ADGRL2: variants seen among roughly 807,000 people sequenced by gnomAD.
The protein encoded by ADGRL2 is calcium-independent alpha-latrotoxin receptor 2.
Under a neutral mutation model 157.4 loss-of-function variants are expected in ADGRL2, and 44 were observed. That is an observed-to-expected ratio of 0.28 (90% CI 0.22 to 0.36). The LOEUF (loss-of-function observed/expected upper bound fraction) is 0.36, where lower values mean the gene tolerates loss of function less well. Ranked by LOEUF, ADGRL2 falls within the 10% of genes least tolerant of loss-of-function variation. ADGRL2 has a pLI of 1.00. For synonymous variants in ADGRL2, 585 were observed against 624.7 expected (o/e 0.94, Z 0.95); for missense variants, 1,510 against 1,768.9 (o/e 0.85, Z 2.63).
intron 1 of ADGRL2, among the ~76,000 whole-genome samples, chr1:81,427,776 A>G (rs1292892904): frequency 6.6e-6 from 1 of 152,232 alleles, no homozygotes; most frequent in Non-Finnish European, 1.5e-5. Flanking sequence ...CAGCTTAAAC[A>G]GGAAACCTTC....
At chr1:81,594,162 C>T (rs1042751515) in intron 3 of ADGRL2, among the ~76,000 whole-genome samples, 3 of 152,036 alleles carry the variant, frequency 2.0e-5, no homozygotes, top group Non-Finnish European at 4.4e-5. Flanking sequence ...TATATCTGAT[C>T]CCCATCATCT....
chr1:81,728,651 G>A (rs1302948534), intron 1 of ADGRL2, among the ~76,000 whole-genome samples: 5 of 152,234 alleles, frequency 3.3e-5, no homozygotes, highest in East Asian at 1.9e-4. Flanking sequence ...ACTGTAACTA[G>A]GACCTAGAAC....
intron 15 of ADGRL2, 93 bp downstream of exon 15, chr1:81,969,480 T>G (rs1393449856): frequency 2.0e-5 from 16 of 797,534 alleles, no homozygotes; most frequent in Non-Finnish European, 3.1e-5. Context: ...ATGTTTGACC[T>G]TGTAACTTGA....
chr1:81,896,030 A>G (rs542205109), intron 2 of ADGRL2, among the ~76,000 whole-genome samples: 22 of 152,128 alleles, frequency 1.4e-4, no homozygotes, highest in Non-Finnish European at 2.9e-4. Context: ...GGCTGGATGG[A>G]GGTGGGAGTG....
intron 3 of ADGRL2, among the ~76,000 whole-genome samples, chr1:81,686,373 T>G (rs2148972998): frequency 6.6e-6 from 1 of 152,296 alleles, no homozygotes; most frequent in South Asian, 2.1e-4. Flanking sequence ...GAGGGTTGTA[T>G]TTTTCCAGGA....
At chr1:81,446,901 C>A (rs2077607451) in intron 2 of ADGRL2, among the ~76,000 whole-genome samples, 1 of 151,940 alleles carries the variant, frequency 6.6e-6, no homozygotes, top group Admixed American at 6.6e-5. Context: ...TTTATTGTAG[C>A]CATATTTTTC....
At chr1:81,956,584 A>C (rs1325331695) in intron 11 of ADGRL2, among the ~76,000 whole-genome samples, 1 of 152,214 alleles carries the variant, frequency 6.6e-6, no homozygotes. Flanking sequence ...GAATAGCTAC[A>C]GATAGTGTTG....
At chr1:81,653,638 A>G (rs1033681719) in intron 3 of ADGRL2, among the ~76,000 whole-genome samples, 1 of 152,186 alleles carries the variant, frequency 6.6e-6, no homozygotes, top group African/African-American at 2.4e-5. Context: ...AAAAAAATAT[A>G]ATTTCTATTT....
intron 2 of ADGRL2, among the ~76,000 whole-genome samples, chr1:81,579,001 C>G (rs1201302888): frequency 6.6e-6 from 1 of 152,178 alleles, no homozygotes; most frequent in African/African-American, 2.4e-5. Flanking sequence ...AACACTCATT[C>G]CCTGCTCAGA....
At chr1:81,626,254 G>A (rs967627198) in intron 3 of ADGRL2, among the ~76,000 whole-genome samples, 2 of 152,130 alleles carry the variant, frequency 1.3e-5, no homozygotes, top group South Asian at 2.1e-4. Context: ...GACAAAGATC[G>A]TAGTGTAGCT....
At chr1:81,406,540 C>A (rs1401491585) in intron 1 of ADGRL2, among the ~76,000 whole-genome samples, 1 of 152,174 alleles carries the variant, frequency 6.6e-6, no homozygotes, top group African/African-American at 2.4e-5. Flanking sequence ...CAGCTAGGGT[C>A]AGAGAAACGC....
At chr1:81,446,385 A>T (rs1353188262) in intron 2 of ADGRL2, among the ~76,000 whole-genome samples, 6 of 152,192 alleles carry the variant, frequency 3.9e-5, no homozygotes, top group Admixed American at 3.9e-4. Flanking sequence ...GTTCTTCCAG[A>T]TCACAAACGG....
chr1:81,568,735 T>C (rs146086001), intron 2 of ADGRL2, among the ~76,000 whole-genome samples: 13 of 152,270 alleles, frequency 8.5e-5, no homozygotes, highest in African/African-American at 2.9e-4. Context: ...CTTTTATTTT[T>C]ACCAAAAAAA....
chr1:81,832,809 T>C (rs1360096241), intron 1 of ADGRL2, among the ~76,000 whole-genome samples: 1 of 152,132 alleles, frequency 6.6e-6, no homozygotes. Flanking sequence ...CCTTTCTGAT[T>C]AGGGATAGCA....
At chr1:81,658,983 C>T (rs556936740) in intron 3 of ADGRL2, among the ~76,000 whole-genome samples, 44 of 151,662 alleles carry the variant, frequency 2.9e-4, no homozygotes, top group African/African-American at 1.0e-3. Flanking sequence ...AATTCCTGAC[C>T]TCAGGTGATC....
intron 2 of ADGRL2, among the ~76,000 whole-genome samples, chr1:81,879,422 A>G (rs2093927118): frequency 6.6e-6 from 1 of 152,034 alleles, no homozygotes; most frequent in Admixed American, 6.6e-5. Flanking sequence ...TTCCTTGACT[A>G]GAACAGTAGC....
At chr1:81,459,092 G>C (rs953548534) in intron 2 of ADGRL2, among the ~76,000 whole-genome samples, 5 of 152,122 alleles carry the variant, frequency 3.3e-5, no homozygotes, top group African/African-American at 9.7e-5. Flanking sequence ...GTTTTTAAGG[G>C]CTCAGAATAT....
chr1:81,861,312 C>T (rs908965134), intron 2 of ADGRL2, among the ~76,000 whole-genome samples: 1 of 152,152 alleles, frequency 6.6e-6, no homozygotes, highest in Non-Finnish European at 1.5e-5. Context: ...TGAGCCACTG[C>T]ACCCAGCCTC....
chr1:81,374,378 C>T lies in ADGRL2; in HGVS notation c.-302+67869C>T, dbSNP rs145932240. ...CCTGAGGTCAGGAGTTCGAGACCAG[C>T]CTGGCCAACATGGCAAAACCCCATC... On this transcript the variant is annotated intron_variant, in intron 1 of 24. Transcript: ENST00000370721. Among the ~76,000 whole-genome samples, 403 of 152,206 alleles carry T rather than the reference C, an allele frequency of 2.6e-3. 2 individuals carry two copies. The highest frequency in any genetic ancestry group is 9.4e-3 in the African/African-American group (390 of 41,546).
Sources: allele counts gnomAD v4.1 joint callset (sites outside exome capture counted in the v4.1 genomes callset), GRCh38; gene constraint gnomAD v4.1.1; transcripts MANE v1.5; gene names NCBI Gene and HGNC (gene_info 2026-07-23, HGNC 2026-07-21).